The following MPO variants were observed in gnomAD, a reference collection of about 807,000 sequenced individuals.
The protein encoded by MPO is myeloperoxidase.
A neutral mutation model predicts 69.4 loss-of-function variants in MPO; 57 were observed. The observed-to-expected ratio is 0.82, with a 90% confidence interval of 0.66 to 1.02. The LOEUF (loss-of-function observed/expected upper bound fraction) is 1.02. Ranked by LOEUF, MPO falls within the 50% of genes least tolerant of loss-of-function variation. The pLI is 0.00. For synonymous variants in MPO, 426 were observed against 417.1 expected, an observed-to-expected ratio of 1.02 and a Z score of -0.26; for missense variants, 971 against 1,014.1, an observed-to-expected ratio of 0.96 and a Z score of 0.58.
chr17:58,280,701 C>A lies in MPO; in HGVS notation c.58G>T (p.Ala20Ser), dbSNP rs750153307. 3.0e-5 allele frequency: 49 copies of A among 1,614,232 alleles called. No homozygotes were observed. Among genetic ancestry groups the A allele is most frequent in the Non-Finnish European group, 3.8e-5 (45 of 1,180,040 alleles). ...TTCATCTCTGCAGTGAGACCCCCAG[C>A]CCAGCAAGGTCCTAAGTCCACCATG... is the stretch of plus-strand genomic sequence containing the variant. ...RCMVDLGPCW[A>S]GGLTAEMKLL... The change falls in exon 1 of 12, where the codon GCT (alanine) becomes TCT (serine). Residue 20 changes from alanine (A) to serine (S), a missense_variant. Physicochemically the swap from Ala to Ser is moderately conservative, Grantham distance 99 (BLOSUM62 1). Transcript: ENST00000225275.
intron 7 of MPO, among the ~76,000 whole-genome samples, chr17:58,276,230 C>A (rs35921530): frequency 0.11 from 17,256 of 152,236 alleles, 1,376 homozygotes; most frequent in African/African-American, 0.23. Flanking sequence ...GCACTCTTTC[C>A]TGCTAAAATT....
At chr17:58,272,192 C>A (rs1259658448) in intron 10 of MPO, among the ~76,000 whole-genome samples, 1 of 152,234 alleles carries the variant, frequency 6.6e-6, no homozygotes, top group Non-Finnish European at 1.5e-5. Context: ...ATAGGGACAT[C>A]TCCTTGTCCC....
chr17:58,272,448 A>T (rs2143967530), intron 10 of MPO, among the ~76,000 whole-genome samples: 1 of 152,344 alleles, frequency 6.6e-6, no homozygotes, highest in East Asian at 1.9e-4. Context: ...GAGTTAACGT[A>T]CAATGAAGCA....
In MPO at chr17:58,280,589, C is replaced by A. The variant is rs753714883; in HGVS notation, c.154+16G>T. The A allele has an allele frequency of 6.2e-7, 1 of 1,614,198 alleles. No individual in the cohort carries two copies. On this transcript the variant is annotated intron_variant, in intron 1 of 11. Coordinates refer to ENST00000225275, the MANE Select transcript of MPO (RefSeq NM_000250.2). The stretch of plus-strand genomic sequence containing the variant: ...CACCCCAACACACCATCTTCTCCCA[C>A]CTTGGGAACTGTTACCTGGAGCAGC...
Position 58,275,483 on chromosome 17 carries a change from G to A in MPO, c.1365+59C>T. The A allele has an allele frequency of 1.2e-6, 2 of 1,609,826 alleles. No homozygotes were observed. The highest frequency in any genetic ancestry group is 1.7e-5 in the Admixed American group (1 of 59,974). On this transcript the variant is annotated intron_variant, in intron 8 of 11. Coordinates refer to ENST00000225275, the MANE Select transcript of MPO (RefSeq NM_000250.2). The surrounding 1 kb of genome is among the most constrained non-coding windows in gnomAD (Gnocchi z 4.1). ...TTAGGAACTTGCCCAAGGTCACACA[G>A]CTAGGATGTTGCAGGGACACATCTG... is the stretch of plus-strand genomic sequence containing the variant.
At position 58,271,698 on chromosome 17, in the gene MPO, AGGCGAGGAGTGGGCCCACGC is replaced by A; in HGVS notation, c.1967_1986del (p.Arg656LeufsTer14). 6.2e-7 allele frequency: 1 copy of A among 1,613,932 alleles called. No individual in the cohort carries two copies. Among genetic ancestry groups the A allele is most frequent in the Non-Finnish European group, 8.5e-7 (1 of 1,180,028 alleles). Reference sequence around the variant, plus strand: ...TTCCTGAACTGGGTACCGATGATGCAGGCGAGGAGTGGGCCCACGCGGCCTTTGCGCTTCAGAGGCTCGGA... The same window carrying A: ...TTCCTGAACTGGGTACCGATGATGCAGGCCTTTGCGCTTCAGAGGCTCGGA... On this transcript the variant is annotated frameshift_variant, in exon 11 of 12. Coordinates refer to ENST00000225275, the MANE Select transcript of MPO (RefSeq NM_000250.2). LOFTEE classifies it high-confidence loss of function.
chr17:58,270,892 G>A lies in MPO; in HGVS notation c.2031-29C>T, dbSNP rs2143965037. The A allele has an allele frequency of 6.2e-7, 1 of 1,611,444 alleles. No individual in the cohort carries two copies. The highest frequency in any genetic ancestry group is 1.1e-5 in the South Asian group (1 of 90,976). ...CATGGGGAACACCCATGGACACTGT[G>A]CCCAAGGATATTCTGGGCTGGCAGG... On this transcript the variant is annotated intron_variant, in intron 11 of 11. Coordinates refer to ENST00000225275, the MANE Select transcript of MPO (RefSeq NM_000250.2). This position sits in a 1 kb window ranked among gnomAD's most constrained non-coding sequence, Gnocchi z 4.1.
Position 58,279,324 on chromosome 17 carries a change from G to C in MPO, c.651C>G (p.Val217=), listed in dbSNP as rs1013595400. The change falls in exon 5 of 12, where the codon GTC becomes GTG. Residue 217 remains valine, a synonymous_variant. Transcript: ENST00000225275. The part of the protein sequence containing the change: ...FSLPYGWTPG[V]KRNGFPVALA... ...GAGCCACCGGGAAGCCGTTGCGCTTGACCCCGGGCGTCCAGCCGTAGGGAA... is the reference window on the plus strand; with the variant it reads ...GAGCCACCGGGAAGCCGTTGCGCTTCACCCCGGGCGTCCAGCCGTAGGGAA... The C allele has an allele frequency of 6.4e-7, 1 of 1,570,746 alleles. No individual in the cohort carries two copies. The highest frequency in any genetic ancestry group is 8.6e-7 in the Non-Finnish European group (1 of 1,158,224).
At chr17:58,280,274 C>T in intron 2 of MPO, 92 bp downstream of exon 2, 3 of 1,328,050 alleles carry the variant, frequency 2.3e-6, no homozygotes, top group African/African-American at 2.9e-5. Flanking sequence ...CCATAGTCCC[C>T]CTCTCCCACC....
chr17:58,270,889 T>G lies in MPO; in HGVS notation c.2031-26A>C, dbSNP rs755089250. 7 of 1,611,764 alleles carry G rather than the reference T, an allele frequency of 4.3e-6. No individual in the cohort carries two copies. Among genetic ancestry groups the G allele is most frequent in the Non-Finnish European group, 5.1e-6 (6 of 1,179,334 alleles). On this transcript the variant is annotated intron_variant, in intron 11 of 11. Coordinates refer to ENST00000225275, the MANE Select transcript of MPO (RefSeq NM_000250.2). This position sits in a 1 kb window ranked among gnomAD's most constrained non-coding sequence, Gnocchi z 4.1. ...CTGCATGGGGAACACCCATGGACAC[T>G]GTGCCCAAGGATATTCTGGGCTGGC...
At chr17:58,277,570 T>C (rs1161451570) in intron 7 of MPO, among the ~76,000 whole-genome samples, 1 of 152,178 alleles carries the variant, frequency 6.6e-6, no homozygotes, top group Non-Finnish European at 1.5e-5. Context: ...GAGAAAGCAA[T>C]GGACTGATGG....
chr17:58,275,543 T>A lies in MPO; in HGVS notation c.1364A>T (p.Gln455Leu), dbSNP rs1408167795. Residue 455 changes from glutamine to leucine, a missense_variant and splice_region_variant, in exon 8 of 12, where the codon CAG becomes CTG. Physicochemically the swap from Gln to Leu is moderately radical, Grantham distance 113 (BLOSUM62 -2). Transcript: ENST00000225275. This position sits in a 1 kb window ranked among gnomAD's most constrained non-coding sequence, Gnocchi z 4.1. ...EARKIVGAMVQIITYRDYLPL... is the reference protein window; with the variant it reads ...EARKIVGAMVLIITYRDYLPL... ...TGCCCGGTGTTCAAGACGGCCTACC[T>A]GGACCATGGCCCCCACGATCTTCCG... The A allele has an allele frequency of 6.2e-7, 1 of 1,614,156 alleles. No individual in the cohort carries two copies. Among genetic ancestry groups the A allele is most frequent in the Non-Finnish European group, 8.5e-7 (1 of 1,180,008 alleles).
rs1322018886 is a variant in MPO at position 58,275,764 on chromosome 17, C to T, written c.1205-62G>A. 6.3e-7 allele frequency: 1 copy of T among 1,593,756 alleles called. No homozygotes were observed. Among genetic ancestry groups the T allele is most frequent in the Admixed American group, 1.7e-5 (1 of 57,520 alleles). ...TCCATCCCAGAAAAGATTTGCTCCACTGAAACCCCCTCCCCAGCCAAGGCC... is the reference window on the plus strand; with the variant it reads ...TCCATCCCAGAAAAGATTTGCTCCATTGAAACCCCCTCCCCAGCCAAGGCC... On this transcript the variant is annotated intron_variant, in intron 7 of 11. Coordinates refer to ENST00000225275, the MANE Select transcript of MPO (RefSeq NM_000250.2). This position sits in a 1 kb window ranked among gnomAD's most constrained non-coding sequence, Gnocchi z 4.1.
Position 58,279,367 on chromosome 17 carries a change from T to C in MPO, c.608A>G (p.Tyr203Cys), listed in dbSNP as rs760201363. ...GTAGGGAAGAGAGAAGCCGTCCTCA[T>C]ACTCCGCCGGCAGCCAGCGCACAAA... ...RAFVRWLPAE[Y>C]EDGFSLPYGW... is the part of the protein sequence containing the mutation. Residue 203 changes from tyrosine to cysteine, a missense_variant, in exon 5 of 12, where the codon TAT becomes TGT. Physicochemically the swap from Tyr to Cys is radical, Grantham distance 194. Transcript: ENST00000225275. 5 of 1,595,424 alleles carry C rather than the reference T, an allele frequency of 3.1e-6. No individual in the cohort carries two copies. The highest frequency in any genetic ancestry group is 1.3e-5 in the African/African-American group (1 of 74,780).
At chr17:58,274,618 G>A (rs1970412584) in intron 8 of MPO, among the ~76,000 whole-genome samples, 1 of 151,978 alleles carries the variant, frequency 6.6e-6, no homozygotes, top group Admixed American at 6.6e-5. Flanking sequence ...CCAGGAGTTT[G>A]AGACCACACT....
At chr17:58,279,743 G>A in intron 3 of MPO, 96 bp downstream of exon 3, 1 of 1,613,080 alleles carries the variant, frequency 6.2e-7, no homozygotes, top group Non-Finnish European at 8.5e-7. Flanking sequence ...GAGACTCCCT[G>A]GAGGAAGAAG....
At chr17:58,272,658 G>C (rs1195688689) in intron 10 of MPO, 90 bp downstream of exon 10, 6 of 1,473,346 alleles carry the variant, frequency 4.1e-6, no homozygotes, top group Non-Finnish European at 5.5e-6. Flanking sequence ...GGAGAGGGCA[G>C]GGACCCTAGA....
rs757797973 is a variant in MPO at position 58,279,150 on chromosome 17, C to T, written c.743G>A (p.Arg248His). The T allele has an allele frequency of 7.4e-6, 12 of 1,612,416 alleles. No homozygotes were observed. Among genetic ancestry groups the T allele is most frequent in the African/African-American group, 1.3e-5 (1 of 74,926 alleles). Residue 248 changes from arginine (R) to histidine (H), a missense_variant, in exon 6 of 12, where the codon CGC (arginine) becomes CAC (histidine). Physicochemically the swap from Arg to His is conservative, Grantham distance 29 (BLOSUM62 0). Transcript: ENST00000225275. ...PTDQLTPDQERSLMFMQWGQL... is the reference protein window; with the variant it reads ...PTDQLTPDQEHSLMFMQWGQL... ...GCCCCATTGCATGAACATGAGTGAG[C>T]GCTCCTGGTCCGGAGTCAGCTGATC...
At position 58,275,695 on chromosome 17, in the gene MPO, G is replaced by A. The variant is rs775037554; in HGVS notation, c.1212C>T (p.Thr404=). 1 of 1,614,142 alleles carries A rather than the reference G, an allele frequency of 6.2e-7. No homozygotes were observed. Among genetic ancestry groups the A allele is most frequent in the Non-Finnish European group, 8.5e-7 (1 of 1,180,034 alleles). ...TGAGCTCGGGCATCTCACTGGAACGGGTGTCCCCTTGGGGAGGCAAAAGCC... is the reference window on the plus strand; with the variant it reads ...TGAGCTCGGGCATCTCACTGGAACGAGTGTCCCCTTGGGGAGGCAAAAGCC... ...ARIPCFLAGD[T]RSSEMPELTS... is the part of the protein sequence containing the mutation. The change falls in exon 8 of 12, where the codon ACC becomes ACT. Residue 404 remains threonine (T), a synonymous_variant. Transcript: ENST00000225275. The surrounding 1 kb of genome is among the most constrained non-coding windows in gnomAD (Gnocchi z 4.1).
Sources: gnomAD v4.1 joint callset for allele counts (sites outside exome capture counted in the v4.1 genomes callset) on GRCh38, gnomAD v4.1.1 for gene constraint, Gnocchi (gnomAD v3.1) non-coding constraint, MANE v1.5 for transcripts, NCBI Gene and HGNC (gene_info 2026-07-23, HGNC 2026-07-21) for gene names.